CLEC18A: variants seen among roughly 807,000 people sequenced by gnomAD.
CLEC18A encodes the protein mannose receptor-like 1.
A neutral mutation model predicts 24.0 loss-of-function variants in CLEC18A; 5 were observed. The ratio of observed to expected loss-of-function variants is 0.21; its 90% confidence interval spans 0.11 to 0.44. The LOEUF is 0.44. CLEC18A is among the 20% of genes least tolerant of loss of function. The pLI is 0.99. For missense variants in CLEC18A, 83 were observed against 233.4 expected (o/e 0.36, Z 4.20); for synonymous variants, 29 against 100.1 (o/e 0.29, Z 4.24).
chr16:69,946,392 A>ATTTTT (rs56112480), upstream of CLEC18A, among the ~76,000 whole-genome samples: 8 of 84,052 alleles, frequency 9.5e-5, no homozygotes, highest in African/African-American at 2.4e-4. Flanking sequence ...ATGTGTATGG[A>ATTTTT]TTTTTTTTTT....
intron 3 of CLEC18A, among the ~76,000 whole-genome samples, chr16:69,957,127 A>G (rs1156721858): frequency 1.4e-5 from 2 of 147,992 alleles, no homozygotes; most frequent in East Asian, 2.0e-4. Context: ...GCTGCATCCA[A>G]TAAGTTTTGA....
At position 69,954,589 on chromosome 16, in the gene CLEC18A, G is replaced by A. The variant is rs1366342785; in HGVS notation, c.456+16G>A. On this transcript the variant is annotated intron_variant, in intron 3 of 11. Coordinates refer to ENST00000288040, the MANE Select transcript of CLEC18A (RefSeq NM_001370523.4). The stretch of plus-strand genomic sequence containing the variant: ...CTACACGCAGGTGAGTGTGCTGCAG[G>A]TGAGGCCAGTGTGCCAGCTCCCAGA... 3.7e-6 allele frequency: 6 copies of A among 1,608,920 alleles called. No homozygotes were observed. Among genetic ancestry groups the A allele is most frequent in the Non-Finnish European group, 3.4e-6 (4 of 1,177,440 alleles).
At chr16:69,945,583 T>C in the CLEC18A span, among the ~76,000 whole-genome samples, 1 of 152,402 alleles carries the variant, frequency 6.6e-6, no homozygotes, top group East Asian at 1.9e-4. Context: ...CAAGGGATCC[T>C]CTTGCCTCAG....
At chr16:69,950,994 G>A (rs1567456635), upstream of CLEC18A, 2 of 255,312 alleles carry the variant, frequency 7.8e-6, no homozygotes, top group Non-Finnish European at 1.6e-5. Context: ...CACGGCCATC[G>A]GTCACTAATC....
At chr16:69,956,315 C>T (rs1173825969) in intron 3 of CLEC18A, among the ~76,000 whole-genome samples, 1 of 132,486 alleles carries the variant, frequency 7.5e-6, no homozygotes, top group African/African-American at 3.3e-5. Flanking sequence ...CTGTGCAGAC[C>T]AGCAAACCAG....
chr16:69,965,039 C>G (rs1415918346), downstream of CLEC18A, among the ~76,000 whole-genome samples: 5 of 151,700 alleles, frequency 3.3e-5, no homozygotes, highest in East Asian at 1.9e-4. Context: ...CGTGCTCAAG[C>G]GATCCGCCAT....
At chr16:69,955,911 T>G (rs1426959273) in intron 3 of CLEC18A, among the ~76,000 whole-genome samples, 1 of 152,008 alleles carries the variant, frequency 6.6e-6, no homozygotes, top group Non-Finnish European at 1.5e-5. Flanking sequence ...AGGAAATATT[T>G]AATACCTCTA....
intron 3 of CLEC18A, among the ~76,000 whole-genome samples, chr16:69,956,013 AG>A (rs1479332045): frequency 2.0e-5 from 3 of 152,102 alleles, no homozygotes; most frequent in African/African-American, 7.2e-5. Flanking sequence ...TGGGAGGCCA[AG>A]GTGGCAGGAT....
downstream of CLEC18A, among the ~76,000 whole-genome samples, chr16:69,964,668 T>C (rs1249056104): frequency 6.7e-6 from 1 of 149,808 alleles, no homozygotes; most frequent in Non-Finnish European, 1.5e-5. Flanking sequence ...CCCGGCTAAT[T>C]TGTTTTTTGT....
intron 3 of CLEC18A, among the ~76,000 whole-genome samples, chr16:69,956,028 C>T (rs1240996830): frequency 2.6e-5 from 4 of 152,198 alleles, no homozygotes; most frequent in Admixed American, 6.5e-5. Flanking sequence ...GCAGGATTGC[C>T]TGAGCCCGGG....
At chr16:69,945,551 G>A in the CLEC18A span, among the ~76,000 whole-genome samples, 1 of 152,226 alleles carries the variant, frequency 6.6e-6, no homozygotes, top group Non-Finnish European at 1.5e-5. Flanking sequence ...TATTGCCCAG[G>A]CTGGTCTCAA....
the CLEC18A span, among the ~76,000 whole-genome samples, chr16:69,943,692 G>A: frequency 1.3e-5 from 2 of 150,616 alleles, no homozygotes; most frequent in African/African-American, 4.9e-5. Context: ...GGGGAGCTTT[G>A]TTTCCACGCC....
the CLEC18A span, among the ~76,000 whole-genome samples, chr16:69,944,017 C>T: frequency 0.013 from 1,783 of 134,032 alleles, 435 homozygotes; most frequent in Non-Finnish European, 0.023. Flanking sequence ...TCATCCGGGC[C>T]GGGTGTGGTG....
At chr16:69,946,951 G>T (rs2058912498), upstream of CLEC18A, among the ~76,000 whole-genome samples, 2 of 112,490 alleles carry the variant, frequency 1.8e-5, no homozygotes, top group African/African-American at 4.1e-5. Flanking sequence ...TGCACAAATT[G>T]CGCATTCAGT....
upstream of CLEC18A, among the ~76,000 whole-genome samples, chr16:69,946,983 A>G (rs2650522): frequency 0.65 from 37,589 of 57,880 alleles, 13,688 homozygotes; most frequent in East Asian, 0.93. Context: ...TAGTGGGACC[A>G]GTGAGAAAAG....
At chr16:69,950,366 G>T (rs1443742537), upstream of CLEC18A, among the ~76,000 whole-genome samples, 3 of 128,938 alleles carry the variant, frequency 2.3e-5, 1 homozygote, top group African/African-American at 7.4e-5. Context: ...GGTCTTCCCC[G>T]AGAGGAACGT....
At chr16:69,955,261 C>G (rs2059019744) in intron 3 of CLEC18A, among the ~76,000 whole-genome samples, 1 of 152,152 alleles carries the variant, frequency 6.6e-6, no homozygotes, top group South Asian at 2.1e-4. Context: ...CCTCAGCCTC[C>G]CAAAGTGCTG....
At chr16:69,946,017 G>A (rs886192258), upstream of CLEC18A, among the ~76,000 whole-genome samples, 9 of 144,940 alleles carry the variant, frequency 6.2e-5, no homozygotes, top group East Asian at 2.1e-4. Context: ...CACTTAAACC[G>A]AAGGGGTGGA....
chr16:69,954,817 C>T (rs540667513), intron 3 of CLEC18A, among the ~76,000 whole-genome samples: 1 of 152,046 alleles, frequency 6.6e-6, no homozygotes, highest in South Asian at 2.1e-4. Context: ...TGTACTTCAG[C>T]CTCCTGACTA....
Sources: allele counts gnomAD v4.1 joint callset (sites outside exome capture counted in the v4.1 genomes callset), GRCh38; gene constraint gnomAD v4.1.1; transcripts MANE v1.5; gene names NCBI Gene and HGNC (gene_info 2026-07-23, HGNC 2026-07-21).